The following GPHN variants were observed in gnomAD, a reference collection of about 807,000 sequenced individuals.
GPHN encodes the protein gephyrin.
A neutral mutation model predicts 95.5 loss-of-function variants in GPHN; 17 were observed. That is an observed-to-expected ratio of 0.18 (90% CI 0.12 to 0.27). GPHN has a LOEUF of 0.27. Among genes scored for constraint, GPHN ranks in the 10% least tolerant of loss-of-function variants. The pLI is 1.00. For missense variants in GPHN, 660 were observed against 978.1 expected (o/e 0.67, Z 4.34); for synonymous variants, 320 against 322.5 (o/e 0.99, Z 0.08).
the GPHN span, among the ~76,000 whole-genome samples, chr14:67,218,354 G>T: frequency 1.5e-4 from 23 of 152,188 alleles, no homozygotes; most frequent in Admixed American, 4.6e-4. Context: ...TGATCTGGGG[G>T]CATGTTTACT....
At chr14:67,312,644 C>A in the GPHN span, 1 of 1,613,050 alleles carries the variant, frequency 6.2e-7, no homozygotes, top group South Asian at 1.1e-5. Flanking sequence ...TCAAGAAGAT[C>A]CAAACTGGTG....
At chr14:66,701,471 G>C (rs1230952280) in intron 2 of GPHN, among the ~76,000 whole-genome samples, 1 of 152,142 alleles carries the variant, frequency 6.6e-6, no homozygotes, top group African/African-American at 2.4e-5. Context: ...AGGTATTCAG[G>C]CTGTCTAATC....
At chr14:66,913,698 T>G (rs937735069) in intron 5 of GPHN, among the ~76,000 whole-genome samples, 4 of 152,176 alleles carry the variant, frequency 2.6e-5, no homozygotes, top group African/African-American at 9.7e-5. Context: ...TATCTTGTGT[T>G]GTAGTTGTTT....
intron 9 of GPHN, among the ~76,000 whole-genome samples, chr14:67,001,325 A>G (rs908463673): frequency 1.3e-5 from 2 of 151,590 alleles, no homozygotes; most frequent in African/African-American, 4.8e-5. Flanking sequence ...TTAGACATAT[A>G]GCTAGTTAGA....
At chr14:67,535,007 C>A in the GPHN span, among the ~76,000 whole-genome samples, 10 of 152,246 alleles carry the variant, frequency 6.6e-5, no homozygotes, top group Non-Finnish European at 1.0e-4. Flanking sequence ...AAAAGCCACA[C>A]GATAGGATAC....
intron 1 of GPHN, among the ~76,000 whole-genome samples, chr14:66,546,580 T>G (rs962027118): frequency 7.2e-5 from 11 of 152,106 alleles, no homozygotes; most frequent in African/African-American, 2.7e-4. Context: ...GACCAGCCCG[T>G]CCAACACAGC....
rs370990579 is a variant in GPHN, at chr14:66,657,543, C to A, written c.65-23564C>A. Reference sequence around the variant, plus strand: ...CCTGGCTTCAAAGCTTAGGCTGACTCATGAGTTAGTGGCTAATGCAGCTGG... The same window carrying A: ...CCTGGCTTCAAAGCTTAGGCTGACTAATGAGTTAGTGGCTAATGCAGCTGG... On this transcript the variant is annotated intron_variant, in intron 1 of 22. Coordinates refer to ENST00000478722, the MANE Select transcript of GPHN (RefSeq NM_020806.5). Among the ~76,000 whole-genome samples, 5 of 152,314 alleles carry A rather than the reference C, an allele frequency of 3.3e-5. No homozygotes were observed. In the South Asian group the frequency reaches 6.2e-4, roughly 19 times the overall value.
In GPHN at chr14:66,965,275, C is replaced by G. The variant is rs757052160; in HGVS notation, c.913C>G (p.Arg305Gly). Residue 305 changes from arginine (R) to glycine (G), a missense_variant, in exon 9 of 23, where the codon CGT becomes GGT. Physicochemically the swap from Arg to Gly is moderately radical, Grantham distance 125 (BLOSUM62 -2). Coordinates refer to ENST00000478722, the MANE Select transcript of GPHN (RefSeq NM_020806.5). Reference protein sequence around the residue: ...SLSTTPSESPRAQATSRLSTA... With the variant: ...SLSTTPSESPGAQATSRLSTA... ...CAGCACTACTCCTTCAGAATCGCCT[C>G]GTGCTCAGGCTACATCTCGCCTCTC... 3.7e-6 allele frequency: 6 copies of G among 1,613,052 alleles called. No individual in the cohort carries two copies. Among genetic ancestry groups the G allele is most frequent in the Non-Finnish European group, 4.2e-6 (5 of 1,179,208 alleles).
chr14:66,888,467 G>GT (rs1464213027), intron 5 of GPHN, among the ~76,000 whole-genome samples: 1 of 152,142 alleles, frequency 6.6e-6, no homozygotes, highest in Non-Finnish European at 1.5e-5. Context: ...GTGAGGGACA[G>GT]AGTAGTATAA....
chr14:67,647,021 G>C, the GPHN span: 2,215 of 1,603,698 alleles, frequency 1.4e-3, 30 homozygotes, highest in African/African-American at 0.027. Context: ...TCTGCTGATT[G>C]GCAAGTAAGT....
the GPHN span, among the ~76,000 whole-genome samples, chr14:67,235,973 A>G: frequency 2.6e-5 from 4 of 152,134 alleles, no homozygotes; most frequent in African/African-American, 9.7e-5. Context: ...TTAAATTGAT[A>G]AAAATTAGAT....
chr14:67,655,964 G>A, the GPHN span, among the ~76,000 whole-genome samples: 8 of 152,112 alleles, frequency 5.3e-5, no homozygotes, highest in South Asian at 4.1e-4. Flanking sequence ...TGAGCAAAGC[G>A]GCCGGGCACA....
In GPHN at chr14:67,071,505, G is replaced by A. The variant is rs1436393063; in HGVS notation, c.1144+12719G>A. 4.0e-5 allele frequency among the ~76,000 whole-genome samples: 6 copies of A among 151,628 alleles called. No homozygotes were observed. In the East Asian group the frequency reaches 1.2e-3, roughly 29 times the overall value. ...TTATGGGATGGGGGGAGTGGGGAGG[G>A]ATAACATTAGGAGATATACCTAATG... On this transcript the variant is annotated intron_variant, in intron 11 of 22. Coordinates refer to ENST00000478722, the MANE Select transcript of GPHN (RefSeq NM_020806.5).
At chr14:66,686,747 T>C (rs7142950) in intron 2 of GPHN, among the ~76,000 whole-genome samples, 47,286 of 152,068 alleles carry the variant, frequency 0.31, 11,173 homozygotes, top group African/African-American at 0.63. Flanking sequence ...TTTATTTCTT[T>C]CTCCTGCCTG....
chr14:67,498,979 T>TTTTATTTA, the GPHN span, among the ~76,000 whole-genome samples: 15,555 of 146,516 alleles, frequency 0.11, 922 homozygotes, highest in African/African-American at 0.14. Context: ...AAGGCAATGG[T>TTTTATTTA]TTTATTTATT....
chr14:66,582,529 C>T (rs984174264), intron 1 of GPHN, among the ~76,000 whole-genome samples: 2 of 151,656 alleles, frequency 1.3e-5, no homozygotes, highest in Non-Finnish European at 2.9e-5. Flanking sequence ...TGCTATCCCT[C>T]CCCTCTCCCC....
chr14:67,647,868 T>G, the GPHN span: 5 of 636,380 alleles, frequency 7.9e-6, no homozygotes, highest in East Asian at 1.4e-4. Context: ...GAAGTTAATA[T>G]TGCCAATCTC....
chr14:67,276,447 T>C, the GPHN span, among the ~76,000 whole-genome samples: 1 of 152,208 alleles, frequency 6.6e-6, no homozygotes, highest in African/African-American at 2.4e-5. Context: ...AATGTATCCT[T>C]ATGTTTTGAG....
At chr14:67,166,190 A>G (rs1301418931) in intron 20 of GPHN, among the ~76,000 whole-genome samples, 13 of 152,244 alleles carry the variant, frequency 8.5e-5, no homozygotes. Context: ...CATAAAAGAG[A>G]TTAGATTTCT....
Sources: allele counts gnomAD v4.1 joint callset (sites outside exome capture counted in the v4.1 genomes callset), GRCh38; gene constraint gnomAD v4.1.1; transcripts MANE v1.5; gene names NCBI Gene and HGNC (gene_info 2026-07-23, HGNC 2026-07-21).